The following ADAMTS18 variants were observed in gnomAD, a reference collection of about 807,000 sequenced individuals.
ADAMTS18 encodes the protein ADAM metallopeptidase with thrombospondin type 1 motif 18, also known as A disintegrin and metalloproteinase with thrombospondin motifs 18.
ADAMTS18 carries 157 observed loss-of-function variants against 165.9 expected under a neutral mutation model. The observed-to-expected ratio is 0.95, with a 90% CI of 0.83 to 1.08. The LOEUF (loss-of-function observed/expected upper bound fraction) is 1.08, where lower values mean the gene tolerates loss of function less well. ADAMTS18 is among the 50% of genes least tolerant of loss of function. The probability of loss-of-function intolerance (pLI) is 0.00; values close to 1 mark genes in which losing one functional copy is unlikely to be tolerated. For missense variants in ADAMTS18, 2,040 were observed against 1,534.0 expected (o/e 1.33, Z -5.51); for synonymous variants, 782 against 578.2 (o/e 1.35, Z -5.06).
chr16:77,387,459 C>A (rs577015343), intron 3 of ADAMTS18, among the ~76,000 whole-genome samples: 2 of 152,294 alleles, frequency 1.3e-5, no homozygotes, highest in African/African-American at 4.8e-5. Flanking sequence ...TTCTTGGAAA[C>A]AATCTCAAAA....
rs1349037495 is a variant in ADAMTS18 at position 77,319,731 on chromosome 16, C to G, written c.2532+118G>C. On this transcript the variant is annotated intron_variant, in intron 16 of 22. Transcript: ENST00000282849. ...GTGCTGGGATTACAGGCATGAGCCA[C>G]CATGCCCGGCCAGGAAACACCTTTG... 5 of 1,524,730 alleles carry G rather than the reference C, an allele frequency of 3.3e-6. No individual in the cohort carries two copies. In the African/African-American group the frequency reaches 6.8e-5, roughly 21 times the overall value. The allele number at this position is 1,524,730 out of a possible 1,614,324, so 94.5% of individuals were successfully genotyped here.
At chr16:77,322,154 CAAAAAAAAA>C (rs36089291) in intron 14 of ADAMTS18, among the ~76,000 whole-genome samples, 173 bp downstream of exon 14, 1 of 73,346 alleles carries the variant, frequency 1.4e-5, no homozygotes, top group Non-Finnish European at 2.5e-5. Context: ...AATTTCATCT[CAAAAAAAAA>C]AAAAAAAAAA....
intron 16 of ADAMTS18, among the ~76,000 whole-genome samples, chr16:77,318,108 A>G (rs2055920447): frequency 6.6e-6 from 1 of 152,204 alleles, no homozygotes; most frequent in African/African-American, 2.4e-5. Context: ...TCATCGGACA[A>G]GTTTATGAAC....
intron 16 of ADAMTS18, among the ~76,000 whole-genome samples, chr16:77,318,531 G>T (rs1245544451): frequency 6.6e-6 from 1 of 152,146 alleles, no homozygotes; most frequent in Non-Finnish European, 1.5e-5. Context: ...GGGCATTCAG[G>T]AAATGAATGC....
At chr16:77,303,555 T>TA (rs1242626358) in intron 16 of ADAMTS18, among the ~76,000 whole-genome samples, 3 of 152,136 alleles carry the variant, frequency 2.0e-5, no homozygotes, top group Non-Finnish European at 2.9e-5. Flanking sequence ...TCTCATATCT[T>TA]ACCACCTCAT....
intron 3 of ADAMTS18, among the ~76,000 whole-genome samples, chr16:77,419,545 T>G (rs970525860): frequency 6.6e-6 from 1 of 152,144 alleles, no homozygotes; most frequent in South Asian, 2.1e-4. Flanking sequence ...CCAATCAAAT[T>G]TAAAGGGATC....
At chr16:77,284,843 T>A (rs997610976) in intron 22 of ADAMTS18, among the ~76,000 whole-genome samples, 1 of 152,118 alleles carries the variant, frequency 6.6e-6, no homozygotes, top group Non-Finnish European at 1.5e-5. Context: ...GGTGTGCTGC[T>A]GGTCCACGAA....
At chr16:77,349,742 C>T (rs58206815) in intron 10 of ADAMTS18, among the ~76,000 whole-genome samples, 1,650 of 152,288 alleles carry the variant, frequency 0.011, 29 homozygotes, top group African/African-American at 0.037. Flanking sequence ...TCCTAAAATG[C>T]TTGAGACTTG....
intron 4 of ADAMTS18, among the ~76,000 whole-genome samples, chr16:77,364,792 C>G (rs55817541): frequency 5.4e-5 from 8 of 147,654 alleles, no homozygotes; most frequent in African/African-American, 7.9e-5. Flanking sequence ...CAAAGCAAAG[C>G]AAAGGAAAGA....
intron 12 of ADAMTS18, among the ~76,000 whole-genome samples, chr16:77,331,916 A>T (rs1436396781): frequency 2.0e-5 from 3 of 152,180 alleles, no homozygotes; most frequent in Admixed American, 6.5e-5. Flanking sequence ...TCTAACTCAG[A>T]CTGCTGACTC....
chr16:77,410,297 A>AG (rs1015848461), intron 3 of ADAMTS18, among the ~76,000 whole-genome samples: 34 of 152,078 alleles, frequency 2.2e-4, no homozygotes, highest in African/African-American at 7.7e-4. Context: ...AATTTGAAAA[A>AG]AAAAAAAAAA....
At chr16:77,388,984 T>G (rs921610202) in intron 3 of ADAMTS18, among the ~76,000 whole-genome samples, 1 of 152,118 alleles carries the variant, frequency 6.6e-6, no homozygotes, top group African/African-American at 2.4e-5. Context: ...GGAGAATCAC[T>G]GATGTGATTA....
chr16:77,402,893 G>T (rs765967448), intron 3 of ADAMTS18, among the ~76,000 whole-genome samples: 1 of 152,154 alleles, frequency 6.6e-6, no homozygotes, highest in Non-Finnish European at 1.5e-5. Flanking sequence ...TTCCTCATGG[G>T]AAATGCCCCA....
At chr16:77,378,353 A>AC (rs1168019303) in intron 3 of ADAMTS18, among the ~76,000 whole-genome samples, 10 of 56,604 alleles carry the variant, frequency 1.8e-4, no homozygotes, top group African/African-American at 4.6e-4. Context: ...AAAAAAACAA[A>AC]AAAAAAAAAA....
chr16:77,359,445 A>C, intron 7 of ADAMTS18, 22 bp from the exon 8 acceptor site: 1 of 1,593,072 alleles, frequency 6.3e-7, no homozygotes, highest in Non-Finnish European at 8.6e-7. Context: ...GCAGTTTCAA[A>C]TGTGAATCCA....
chr16:77,302,742 C>T lies in ADAMTS18; in HGVS notation c.2533-2338G>A, dbSNP rs74963942. Among the ~76,000 whole-genome samples, 6 of 152,290 alleles carry T rather than the reference C, an allele frequency of 3.9e-5. No individual in the cohort carries two copies. The East Asian group carries it at 9.6e-4, about 24-fold the overall frequency. On this transcript the variant is annotated intron_variant, in intron 16 of 22. Coordinates refer to ENST00000282849, the MANE Select transcript of ADAMTS18 (RefSeq NM_199355.4). ...TCTGCTGATTAAAAAAGTAGTTTGA[C>T]AAATTTTCAACAGACATTTGAAATA...
At chr16:77,398,548 G>A (rs1168507486) in intron 3 of ADAMTS18, among the ~76,000 whole-genome samples, 1 of 152,120 alleles carries the variant, frequency 6.6e-6, no homozygotes, top group Non-Finnish European at 1.5e-5. Flanking sequence ...GATAACTTTG[G>A]TAACGACCAT....
Position 77,349,757 on chromosome 16 carries a change from G to A in ADAMTS18, c.1614+3976C>T, listed in dbSNP as rs553916737. Among the ~76,000 whole-genome samples, 35 of 152,118 alleles carry A rather than the reference G, an allele frequency of 2.3e-4. 1 individual carries two copies. Among genetic ancestry groups the A allele is most frequent in the East Asian group, 1.7e-3 (9 of 5,182 alleles). On this transcript the variant is annotated intron_variant, in intron 10 of 22. Coordinates refer to ENST00000282849, the MANE Select transcript of ADAMTS18 (RefSeq NM_199355.4). ...TCCTAAAATGCTTGAGACTTGTCTC[G>A]TCATTTTTCTTGATTGACAGAAGAA...
chr16:77,301,810 A>C (rs889323994), intron 16 of ADAMTS18, among the ~76,000 whole-genome samples: 3 of 152,192 alleles, frequency 2.0e-5, no homozygotes, highest in Non-Finnish European at 2.9e-5. Context: ...AACAAAACAA[A>C]TCTCGATGCC....
Sources: allele counts gnomAD v4.1 joint callset (sites outside exome capture counted in the v4.1 genomes callset), GRCh38; gene constraint gnomAD v4.1.1; transcripts MANE v1.5; gene names NCBI Gene and HGNC (gene_info 2026-07-23, HGNC 2026-07-21).